Variants in ATP2A1 observed in about 807,000 individuals in gnomAD.
ATP2A1 encodes the protein ATPase sarcoplasmic/endoplasmic reticulum Ca2+ transporting 1, also known as sarcoplasmic/endoplasmic reticulum calcium ATPase 1.
Under a neutral mutation model 109.5 loss-of-function variants are expected in ATP2A1, and 83 were observed. The ratio of observed to expected loss-of-function variants is 0.76; its 90% confidence interval spans 0.63 to 0.91. ATP2A1 has a LOEUF of 0.91. ATP2A1 is among the 40% of genes least tolerant of loss of function. The probability of loss-of-function intolerance (pLI) is 0.00; values close to 1 mark genes in which losing one functional copy is unlikely to be tolerated. For missense variants in ATP2A1, 1,101 were observed against 1,341.0 expected (o/e 0.82, Z 2.80); for synonymous variants, 505 against 537.6 (o/e 0.94, Z 0.84).
Position 28,903,623 on chromosome 16 carries a change from CAGCCCCCACAGCCCCTAT to C in ATP2A1, c.2981-68_2981-51del, listed in dbSNP as rs1964157937. 7 of 1,243,938 alleles carry C rather than the reference CAGCCCCCACAGCCCCTAT, an allele frequency of 5.6e-6. No homozygotes were observed. Among genetic ancestry groups the C allele is most frequent in the Non-Finnish European group, 8.3e-6 (7 of 841,980 alleles). 77.1% of individuals were successfully genotyped at this position (1,243,938 alleles called of 1,614,324 possible). A position where few individuals can be genotyped will look rare whatever the true frequency, so the allele number is the denominator to read the frequency against. On this transcript the variant is annotated intron_variant, in intron 21 of 22. Transcript: ENST00000395503. This position sits in a 1 kb window ranked among gnomAD's most constrained non-coding sequence, Gnocchi z 5.6. The stretch of plus-strand genomic sequence containing the variant: ...CTCCGGGGCAGCCCCACTGCCTCCT[CAGCCCCCACAGCCCCTAT>C]AGCCCCCATGCCACCTCCCTGCCTT...
rs1963648969 is a variant in ATP2A1 at position 28,887,586 on chromosome 16, C to T, written c.792C>T (p.Ile264=). 6.2e-7 allele frequency: 1 copy of T among 1,614,096 alleles called. No individual in the cohort carries two copies. The highest frequency in any genetic ancestry group is 8.5e-7 in the Non-Finnish European group (1 of 1,180,028). Residue 264 remains isoleucine, a synonymous_variant, in exon 8 of 23, where the codon ATC becomes ATT. Coordinates refer to ENST00000395503, the MANE Select transcript of ATP2A1 (RefSeq NM_004320.6). ...TTGGGGAGCAGCTCTCCAAGGTCAT[C>T]TCCCTCATCTGTGTGGCTGTCTGGC... ...DEFGEQLSKV[I]SLICVAVWLI... is the part of the protein sequence containing the mutation.
rs1963966311 is a variant in ATP2A1, at chr16:28,898,044, C to T, written c.1464C>T (p.Ser488=). ...LMKKEFTLEF[S]RDRKSMSVYC... is the part of the protein sequence containing the mutation. The stretch of plus-strand genomic sequence containing the variant: ...AGAAGGAATTCACCCTGGAGTTCTC[C>T]CGAGACAGAAAGTCCATGTCTGTCT... Residue 488 remains serine (S), a synonymous_variant, in exon 13 of 23, where the codon TCC becomes TCT. Transcript: ENST00000395503. This position sits in a 1 kb window ranked among gnomAD's most constrained non-coding sequence, Gnocchi z 4.0. 1.2e-6 allele frequency: 2 copies of T among 1,614,056 alleles called. No individual in the cohort carries two copies. Among genetic ancestry groups the T allele is most frequent in the Non-Finnish European group, 8.5e-7 (1 of 1,180,026 alleles).
rs1320823631 is a variant in ATP2A1 at position 28,902,411 on chromosome 16, C to T, written c.2524+25C>T. ...GGTGAGCTGGAGGGGTTCCTCGATC[C>T]TCCCCACCCCTTGGGACTAACCCCC... On this transcript the variant is annotated intron_variant, in intron 17 of 22. Coordinates refer to ENST00000395503, the MANE Select transcript of ATP2A1 (RefSeq NM_004320.6). This position sits in a 1 kb window ranked among gnomAD's most constrained non-coding sequence, Gnocchi z 4.8. 6.2e-7 allele frequency: 1 copy of T among 1,611,846 alleles called. No homozygotes were observed. Among genetic ancestry groups the T allele is most frequent in the Non-Finnish European group, 8.5e-7 (1 of 1,178,606 alleles).
At chr16:28,885,361 T>C (rs1252417656) in intron 6 of ATP2A1, among the ~76,000 whole-genome samples, 2 of 152,048 alleles carry the variant, frequency 1.3e-5, no homozygotes, top group Admixed American at 1.3e-4. Context: ...TCTTTTTTTT[T>C]TGAGATGGAG....
chr16:28,878,599 T>C lies in ATP2A1; in HGVS notation c.-73T>C, dbSNP rs1014567932. The C allele has an allele frequency of 1.6e-6, 2 of 1,286,204 alleles. No individual in the cohort carries two copies. The highest frequency in any genetic ancestry group is 5.0e-5 in the East Asian group (2 of 39,866). 79.7% of individuals were successfully genotyped at this position (1,286,204 alleles called of 1,614,324 possible). A position where few individuals can be genotyped will look rare whatever the true frequency, so the allele number is the denominator to read the frequency against. On this transcript the variant is annotated 5_prime_UTR_variant, in exon 1 of 23. Transcript: ENST00000395503. ...CAGGCAGACAGGCAGTTGGACACAC[T>C]GAGGAAGACCCCCCACGAGTGGGAA...
chr16:28,892,895 T>C (rs1014457175), intron 9 of ATP2A1, among the ~76,000 whole-genome samples: 1 of 151,690 alleles, frequency 6.6e-6, no homozygotes, highest in Non-Finnish European at 1.5e-5. Flanking sequence ...AAATACAAAA[T>C]TAGCTGGGCG....
intron 9 of ATP2A1, among the ~76,000 whole-genome samples, chr16:28,893,656 T>TTTTTTTTTG (rs1567486261): frequency 1.5e-4 from 2 of 13,370 alleles, no homozygotes; most frequent in African/African-American, 2.0e-3. Flanking sequence ...TTTTTTTTTG[T>TTTTTTTTTG]TTTTTTTTTT....
At chr16:28,897,564 G>A (rs187756260) in intron 12 of ATP2A1, among the ~76,000 whole-genome samples, 144 of 151,974 alleles carry the variant, frequency 9.5e-4, no homozygotes, top group African/African-American at 3.2e-3. Context: ...TTTCTGAGAC[G>A]GAGTCTCGCT....
At position 28,882,605 on chromosome 16, in the gene ATP2A1, G is replaced by C; in HGVS notation, c.463+16G>C. The C allele has an allele frequency of 6.2e-7, 1 of 1,613,684 alleles. No homozygotes were observed. The highest frequency in any genetic ancestry group is 2.2e-5 in the East Asian group (1 of 44,858). Reference sequence around the variant, plus strand: ...GAGGTGGCTGGTGAGTGACAGGGACGGCTGGTCCAGGATGGGAGGCCTTGG... The same window carrying C: ...GAGGTGGCTGGTGAGTGACAGGGACCGCTGGTCCAGGATGGGAGGCCTTGG... On this transcript the variant is annotated intron_variant, in intron 5 of 22. Transcript: ENST00000395503.
rs1424101269 is a variant in ATP2A1 at position 28,884,565 on chromosome 16, C to G, written c.464-10C>G. ...CCAAGTGACCTCCCTCTTCCCTACT[C>G]TCTCCACAGTGGGGGACAAAGTCCC... On this transcript the variant is annotated splice_polypyrimidine_tract_variant and intron_variant, in intron 5 of 22. Coordinates refer to ENST00000395503, the MANE Select transcript of ATP2A1 (RefSeq NM_004320.6). The G allele has an allele frequency of 5.0e-6, 8 of 1,611,764 alleles. No homozygotes were observed. Among genetic ancestry groups the G allele is most frequent in the South Asian group, 4.4e-5 (4 of 91,048 alleles).
At position 28,887,634 on chromosome 16, in the gene ATP2A1, C is replaced by A. The variant is rs145160426; in HGVS notation, c.840C>A (p.Asn280Lys). 4.3e-6 allele frequency: 7 copies of A among 1,614,032 alleles called. No individual in the cohort carries two copies. The highest frequency in any genetic ancestry group is 1.7e-5 in the Admixed American group (1 of 59,988). The change falls in exon 8 of 23, where the codon AAC (asparagine) becomes AAA (lysine). Residue 280 changes from asparagine (N) to lysine (K), a missense_variant. Coordinates refer to ENST00000395503, the MANE Select transcript of ATP2A1 (RefSeq NM_004320.6). ...AVWLINIGHF[N>K]DPVHGGSWFR... ...GGCTTATCAACATTGGCCACTTCAA[C>A]GACCCCGTCCATGGGGGCTCCTGGT... is the stretch of plus-strand genomic sequence containing the variant.
chr16:28,882,604 C>A lies in ATP2A1; in HGVS notation c.463+15C>A, dbSNP rs549044021. 6.2e-7 allele frequency: 1 copy of A among 1,613,758 alleles called. No homozygotes were observed. Among genetic ancestry groups the A allele is most frequent in the African/African-American group, 1.3e-5 (1 of 75,040 alleles). On this transcript the variant is annotated intron_variant, in intron 5 of 22. Transcript: ENST00000395503. ...GGAGGTGGCTGGTGAGTGACAGGGA[C>A]GGCTGGTCCAGGATGGGAGGCCTTG...
Position 28,903,368 on chromosome 16 carries a change from GTCC to G in ATP2A1, c.2911_2913del (p.Leu971del). Reference sequence around the variant, plus strand: ...CCTGGACCTCACCCAGTGGCTCATGGTCCTCAAGATCTCACTGCCAGTCATTGG... The same window carrying G: ...CCTGGACCTCACCCAGTGGCTCATGGTCAAGATCTCACTGCCAGTCATTGG... On this transcript the variant is annotated inframe_deletion, in exon 21 of 23. Coordinates refer to ENST00000395503, the MANE Select transcript of ATP2A1 (RefSeq NM_004320.6). The surrounding 1 kb of genome is among the most constrained non-coding windows in gnomAD (Gnocchi z 5.6). 1.2e-6 allele frequency: 2 copies of G among 1,613,988 alleles called. No homozygotes were observed. The highest frequency in any genetic ancestry group is 1.7e-6 in the Non-Finnish European group (2 of 1,179,960).
At position 28,894,963 on chromosome 16, in the gene ATP2A1, C is replaced by T. The variant is rs1015367876; in HGVS notation, c.1419+10C>T. ...CAACGCCTGCAACTCGGTGAGCCTG[C>T]GGAGCCCCTGCCACAGGGCCGTCTC... On this transcript the variant is annotated intron_variant, in intron 12 of 22. Coordinates refer to ENST00000395503, the MANE Select transcript of ATP2A1 (RefSeq NM_004320.6). 18 of 1,609,840 alleles carry T rather than the reference C, an allele frequency of 1.1e-5. No individual in the cohort carries two copies. Among genetic ancestry groups the T allele is most frequent in the East Asian group, 4.5e-5 (2 of 44,882 alleles).
rs1437903714 is a variant in ATP2A1, at chr16:28,880,918, C to T, written c.223C>T (p.Leu75=). The T allele has an allele frequency of 1.2e-6, 2 of 1,614,112 alleles. No homozygotes were observed. Among genetic ancestry groups the T allele is most frequent in the East Asian group, 2.2e-5 (1 of 44,888 alleles). Residue 75 remains leucine, a synonymous_variant, in exon 4 of 23, where the codon CTG becomes TTG. Coordinates refer to ENST00000395503, the MANE Select transcript of ATP2A1 (RefSeq NM_004320.6). The surrounding 1 kb of genome is among the most constrained non-coding windows in gnomAD (Gnocchi z 4.2). The part of the protein sequence containing the change: ...LLLAACISFV[L]AWFEEGEETI... ...TCTCCTTTCCCCTGCTCCCCAGGTG[C>T]TGGCCTGGTTTGAGGAAGGTGAAGA...
intron 2 of ATP2A1, 139 bp downstream of exon 2, chr16:28,879,255 A>G: frequency 8.4e-7 from 1 of 1,186,054 alleles, no homozygotes; most frequent in Non-Finnish European, 1.3e-6. Context: ...TAAAGGTTAG[A>G]GTCCTGTCCG....
chr16:28,900,659 C>T lies in ATP2A1; in HGVS notation c.1843C>T (p.Arg615Cys), dbSNP rs551817195. The T allele has an allele frequency of 8.1e-6, 13 of 1,609,068 alleles. No individual in the cohort carries two copies. In the African/African-American group the frequency reaches 1.2e-4, roughly 15 times the overall value. The change falls in exon 15 of 23, where the codon CGT becomes TGT. Residue 615 changes from arginine (R) to cysteine (C), a missense_variant. Physicochemically the swap from Arg to Cys is radical, Grantham distance 180 (BLOSUM62 -3). Coordinates refer to ENST00000395503, the MANE Select transcript of ATP2A1 (RefSeq NM_004320.6). ...KEVTGSIQLC[R>C]DAGIRVIMIT... ...GGTCACGGGCTCCATCCAGCTGTGC[C>T]GTGACGCCGGGATCCGGGTGATCAT... is the stretch of plus-strand genomic sequence containing the variant.
chr16:28,895,160 C>CTA (rs1963882945), intron 12 of ATP2A1, among the ~76,000 whole-genome samples: 1 of 152,240 alleles, frequency 6.6e-6, no homozygotes, highest in Non-Finnish European at 1.5e-5. Context: ...CTTGATGAAT[C>CTA]TATGATCACT....
chr16:28,880,358 C>A lies in ATP2A1; in HGVS notation c.220-557C>A, dbSNP rs1045110829. ...CAGGCCCCGTCGCGTTAAGCACAAG[C>A]TGGCAGGGCCTCTCCTCTCCCTTCT... is the stretch of plus-strand genomic sequence containing the variant. On this transcript the variant is annotated intron_variant, in intron 3 of 22. Coordinates refer to ENST00000395503, the MANE Select transcript of ATP2A1 (RefSeq NM_004320.6). The surrounding 1 kb of genome is among the most constrained non-coding windows in gnomAD (Gnocchi z 4.2). 1.3e-5 allele frequency among the ~76,000 whole-genome samples: 2 copies of A among 152,278 alleles called. No homozygotes were observed. The highest frequency in any genetic ancestry group is 4.8e-5 in the African/African-American group (2 of 41,482).
Sources: allele counts gnomAD v4.1 joint callset (sites outside exome capture counted in the v4.1 genomes callset), GRCh38; gene constraint gnomAD v4.1.1; non-coding constraint Gnocchi (gnomAD v3.1); transcripts MANE v1.5; gene names NCBI Gene and HGNC (gene_info 2026-07-23, HGNC 2026-07-21).